BLM: variants seen among roughly 807,000 people sequenced by gnomAD.
The protein encoded by BLM is recQ-like DNA helicase BLM.
Under a neutral mutation model 135.3 loss-of-function variants are expected in BLM, and 95 were observed. The ratio of observed to expected loss-of-function variants is 0.70; its 90% CI spans 0.59 to 0.83. The LOEUF is 0.83. Among genes scored for constraint, BLM ranks in the 40% least tolerant of loss-of-function variants. BLM has a pLI of 0.00. For missense variants in BLM, 1,518 were observed against 1,663.9 expected, an observed-to-expected ratio of 0.91 and a Z score of 1.53; for synonymous variants, 520 against 589.2, an observed-to-expected ratio of 0.88 and a Z score of 1.70.
chr15:90,812,286 CA>C (rs1012491412), intron 21 of BLM, among the ~76,000 whole-genome samples: 11 of 152,074 alleles, frequency 7.2e-5, no homozygotes, highest in Non-Finnish European at 1.5e-4. Context: ...ACAGAGAAAC[CA>C]AAAGTTCAGT....
chr15:90,789,993 T>TGG (rs1896860200), intron 14 of BLM, among the ~76,000 whole-genome samples: 2 of 53,766 alleles, frequency 3.7e-5, no homozygotes, highest in Non-Finnish European at 7.3e-5. Context: ...TGGTGTTTTT[T>TGG]TTTTTTTTTT....
chr15:90,782,858 CTATG>C lies in BLM; in HGVS notation c.2596_2599del (p.Val866TyrfsTer13). 1 of 1,613,566 alleles carries C rather than the reference CTATG, an allele frequency of 6.2e-7. No individual in the cohort carries two copies. Among genetic ancestry groups the C allele is most frequent in the Non-Finnish European group, 8.5e-7 (1 of 1,179,558 alleles). ...GCTTTAACAGACATAATCTGAAATACTATGTATTACCGAAAAAGCCTAAAAAGGT... is the reference window on the plus strand; with the variant it reads ...GCTTTAACAGACATAATCTGAAATACTATTACCGAAAAAGCCTAAAAAGGT... On this transcript the variant is annotated frameshift_variant, in exon 13 of 22. Coordinates refer to ENST00000355112, the MANE Select transcript of BLM (RefSeq NM_000057.4). LOFTEE classifies it high-confidence loss of function.
At position 90,750,931 on chromosome 15, in the gene BLM, G is replaced by A. The variant is rs148557653; in HGVS notation, c.800-856G>A. Among the ~76,000 whole-genome samples, 200 of 152,298 alleles carry A rather than the reference G, an allele frequency of 1.3e-3. 5 individuals carry two copies. The South Asian group carries it at 0.022, about 17-fold the overall frequency. On this transcript the variant is annotated intron_variant, in intron 3 of 21. Transcript: ENST00000355112. ...TCCTGAAGATAAGGGGGTTGCTGCC[G>A]TAAGATCCATAGAGGTTAAAATGGT...
intron 20 of BLM, among the ~76,000 whole-genome samples, chr15:90,810,210 A>G (rs1376164526): frequency 6.6e-6 from 1 of 151,504 alleles, no homozygotes; most frequent in Non-Finnish European, 1.5e-5. Flanking sequence ...GCACCACCAC[A>G]CCTGACTTAT....
intron 2 of BLM, among the ~76,000 whole-genome samples, chr15:90,748,841 T>G (rs1895582109): frequency 6.6e-6 from 1 of 151,172 alleles, no homozygotes; most frequent in African/African-American, 2.4e-5. Flanking sequence ...CACTGTAACC[T>G]CCACCTCCTG....
At chr15:90,787,207 G>A (rs1044536754) in intron 14 of BLM, among the ~76,000 whole-genome samples, 2 of 118,210 alleles carry the variant, frequency 1.7e-5, no homozygotes, top group Non-Finnish European at 3.3e-5. Context: ...CCGCCACCAC[G>A]CCCGGCTAAT....
At position 90,765,299 on chromosome 15, in the gene BLM, G is replaced by A. The variant is rs771864442; in HGVS notation, c.2078G>A (p.Gly693Asp). Reference protein sequence around the residue: ...EDCFILMPTGGGKSLCYQLPA... With the variant: ...EDCFILMPTGDGKSLCYQLPA... ...TTTTTTCATTGTTCTCTTTCAGGAG[G>A]TGGTAAGAGTTTGTGTTACCAGCTC... Residue 693 changes from glycine to aspartate, a missense_variant, in exon 9 of 22, where the codon GGT becomes GAT. Transcript: ENST00000355112. 3.8e-6 allele frequency: 6 copies of A among 1,598,158 alleles called. No homozygotes were observed. The highest frequency in any genetic ancestry group is 1.1e-5 in the South Asian group (1 of 90,762).
chr15:90,780,276 G>A (rs1896586993), intron 12 of BLM, among the ~76,000 whole-genome samples: 1 of 152,010 alleles, frequency 6.6e-6, no homozygotes, highest in Non-Finnish European at 1.5e-5. Flanking sequence ...GTAGAGACAG[G>A]GTTTCACCAT....
At chr15:90,783,002 T>G (rs931382738) in intron 13 of BLM, 74 bp downstream of exon 13, 18 of 1,205,840 alleles carry the variant, frequency 1.5e-5, no homozygotes, top group Admixed American at 3.8e-5. Flanking sequence ...ATATATAAAA[T>G]TGCATATTAA....
chr15:90,777,252 A>G (rs1896502698), intron 12 of BLM, among the ~76,000 whole-genome samples: 2 of 152,028 alleles, frequency 1.3e-5, no homozygotes, highest in Admixed American at 1.3e-4. Context: ...CCGGGATTCA[A>G]GTGATTCTCC....
At chr15:90,807,054 C>G (rs755267295) in intron 19 of BLM, among the ~76,000 whole-genome samples, 1 of 152,228 alleles carries the variant, frequency 6.6e-6, no homozygotes. Context: ...CCTGACTCTT[C>G]TGAGTCACTT....
chr15:90,811,266 T>C lies in BLM; in HGVS notation c.3936T>C (p.Ala1312=), dbSNP rs1034211979. The stretch of plus-strand genomic sequence containing the variant: ...GCAGAGGCCCCGGAAGAAGTGCCGC[T>C]GAGGAGCTCGACGAGGAAATACCCG... The part of the protein sequence containing the change: ...SSSRGPGRSA[A]EELDEEIPVS... The change falls in exon 21 of 22, where the codon GCT becomes GCC. Residue 1312 remains alanine, a synonymous_variant. Transcript: ENST00000355112. The C allele has an allele frequency of 6.2e-7, 1 of 1,614,170 alleles. No individual in the cohort carries two copies. Among genetic ancestry groups the C allele is most frequent in the East Asian group, 2.2e-5 (1 of 44,882 alleles).
At chr15:90,800,691 G>A (rs1055873491) in intron 17 of BLM, among the ~76,000 whole-genome samples, 2 of 147,276 alleles carry the variant, frequency 1.4e-5, no homozygotes, top group African/African-American at 5.0e-5. Flanking sequence ...AAAAAAAAAA[G>A]AAGGAACAGG....
chr15:90,810,311 T>A (rs1436722678), intron 20 of BLM, among the ~76,000 whole-genome samples: 1 of 152,182 alleles, frequency 6.6e-6, no homozygotes, highest in African/African-American at 2.4e-5. Context: ...TGCCTCAGCC[T>A]CCTGAAGTGC....
chr15:90,788,203 G>A (rs184530595), intron 14 of BLM, among the ~76,000 whole-genome samples: 1 of 152,136 alleles, frequency 6.6e-6, no homozygotes, highest in East Asian at 1.9e-4. Flanking sequence ...AAGAAAGCAG[G>A]ATAATTGAAA....
intron 8 of BLM, among the ~76,000 whole-genome samples, chr15:90,764,200 C>T (rs980861822): frequency 6.7e-6 from 1 of 149,704 alleles, no homozygotes; most frequent in South Asian, 2.1e-4. Flanking sequence ...AAGGTCCTTC[C>T]ACCCCAATTT....
chr15:90,757,053 A>G (rs116171808), intron 5 of BLM, among the ~76,000 whole-genome samples: 10 of 152,306 alleles, frequency 6.6e-5, no homozygotes, highest in African/African-American at 2.4e-4. Flanking sequence ...ATCCTTTTAA[A>G]AAAGGAAATA....
intron 16 of BLM, among the ~76,000 whole-genome samples, chr15:90,797,060 GAGATCA>G (rs1252753277): frequency 2.0e-5 from 3 of 152,078 alleles, no homozygotes; most frequent in Non-Finnish European, 4.4e-5. Context: ...TGGAGCAGAG[GAGATCA>G]AGAACCAAAA....
chr15:90,797,414 CAAAAAAAAAAAAAA>C (rs56369282), intron 16 of BLM, among the ~76,000 whole-genome samples: 138 of 109,580 alleles, frequency 1.3e-3, no homozygotes, highest in East Asian at 8.3e-3. Context: ...AACTCCATCT[CAAAAAAAAAAAAAA>C]AAAAAAAAAA....
Sources: allele counts gnomAD v4.1 joint callset (sites outside exome capture counted in the v4.1 genomes callset), GRCh38; gene constraint gnomAD v4.1.1; transcripts MANE v1.5; gene names NCBI Gene and HGNC (gene_info 2026-07-23, HGNC 2026-07-21).